The following NGLY1 variants were observed in gnomAD, a reference collection of about 807,000 sequenced individuals.
The protein encoded by NGLY1 is N-glycanase 1, also known as peptide-N(4)-(N-acetyl-beta-glucosaminyl)asparagine amidase.
NGLY1 carries 68 observed loss-of-function variants against 84.6 expected under a neutral mutation model. The observed-to-expected ratio is 0.80, with a 90% CI of 0.66 to 0.98. The LOEUF (loss-of-function observed/expected upper bound fraction) is 0.98. Ranked by LOEUF, NGLY1 falls within the 50% of genes least tolerant of loss-of-function variation. NGLY1 has a pLI of 0.00. For missense variants in NGLY1, 779 were observed against 770.2 expected, an observed-to-expected ratio of 1.01 and a Z score of -0.14; for synonymous variants, 280 against 275.2, an observed-to-expected ratio of 1.02 and a Z score of -0.17.
intron 4 of NGLY1, among the ~76,000 whole-genome samples, chr3:25,742,367 C>T (rs1706191615): frequency 2.6e-5 from 4 of 152,108 alleles, no homozygotes; most frequent in Admixed American, 2.6e-4. Context: ...CAATCAAACA[C>T]TATGGAGTTA....
chr3:25,746,093 A>G (rs1706410504), intron 4 of NGLY1, among the ~76,000 whole-genome samples: 1 of 152,160 alleles, frequency 6.6e-6, no homozygotes, highest in African/African-American at 2.4e-5. Context: ...TTCAATGTCA[A>G]CCAAAATATG....
chr3:25,734,439 A>G (rs1436811411), intron 7 of NGLY1: 2 of 151,214 alleles, frequency 1.3e-5, no homozygotes, highest in South Asian at 2.1e-4. Flanking sequence ...GCAGTGGCTC[A>G]TGCCTGTAAT....
chr3:25,759,092 C>T (rs1707180041), intron 3 of NGLY1, among the ~76,000 whole-genome samples: 1 of 152,112 alleles, frequency 6.6e-6, no homozygotes, highest in Non-Finnish European at 1.5e-5. Flanking sequence ...AAGAAAAGAA[C>T]AGGTCCAAGA....
chr3:25,746,490 C>T (rs1706439704), intron 4 of NGLY1, among the ~76,000 whole-genome samples: 1 of 152,168 alleles, frequency 6.6e-6, no homozygotes, highest in Non-Finnish European at 1.5e-5. Context: ...TCTACAACCC[C>T]TGTATTACCT....
chr3:25,769,858 T>G (rs2125303360), intron 2 of NGLY1, among the ~76,000 whole-genome samples: 1 of 152,276 alleles, frequency 6.6e-6, no homozygotes, highest in African/African-American at 2.4e-5. Context: ...CATGGATAAG[T>G]TCTTTAGTGG....
chr3:25,722,227 TA>T (rs1705032641), intron 10 of NGLY1, among the ~76,000 whole-genome samples: 1 of 143,366 alleles, frequency 7.0e-6, no homozygotes, highest in African/African-American at 2.8e-5. Flanking sequence ...AAAAAAAAAA[TA>T]AAAATAAAAA....
chr3:25,745,713 TTG>T (rs1373684848), intron 4 of NGLY1, among the ~76,000 whole-genome samples: 5 of 152,188 alleles, frequency 3.3e-5, no homozygotes, highest in South Asian at 2.1e-4. Context: ...TAGATTACTA[TTG>T]TGTTTTAATT....
rs1044936446 is a variant in NGLY1 at position 25,783,405 on chromosome 3, G to A, written c.-15C>T. 6 of 1,523,060 alleles carry A rather than the reference G, an allele frequency of 3.9e-6. No homozygotes were observed. The highest frequency in any genetic ancestry group is 2.9e-5 in the African/African-American group (2 of 69,406). The allele number at this position is 1,523,060 out of a possible 1,614,324, so 94.3% of individuals were successfully genotyped here. A position where few individuals can be genotyped will look rare whatever the true frequency, so the allele number is the denominator to read the frequency against. On this transcript the variant is annotated 5_prime_UTR_variant, in exon 1 of 12. Transcript: ENST00000280700. The surrounding 1 kb of genome is among the most constrained non-coding windows in gnomAD (Gnocchi z 4.5). ...GCCGCCGCCATGCTTGAGCGCCAGC[G>A]GGCGCCGCCGCCGCCCCTCGCTCTC... is the stretch of plus-strand genomic sequence containing the variant.
At chr3:25,730,288 G>T (rs1020168176) in intron 9 of NGLY1, 4 of 151,718 alleles carry the variant, frequency 2.6e-5, no homozygotes, top group Admixed American at 2.6e-4. Flanking sequence ...AAAGTATTTA[G>T]GATTAATGTT....
intron 9 of NGLY1, among the ~76,000 whole-genome samples, chr3:25,730,948 G>A (rs773030266): frequency 6.6e-6 from 1 of 151,812 alleles, no homozygotes; most frequent in Admixed American, 6.6e-5. Flanking sequence ...GCTCCCTAAG[G>A]GCAAAGGACA....
intron 6 of NGLY1, 172 bp downstream of exon 6, chr3:25,737,162 T>G (rs1334726223): frequency 1.9e-6 from 1 of 536,834 alleles, no homozygotes; most frequent in African/African-American, 1.9e-5. Context: ...AAAACTCTTG[T>G]GATCCCTTCA....
In NGLY1 at chr3:25,719,322, T is replaced by C. The variant is rs939411904; in HGVS notation, c.*138A>G. ...AGTCCACGTATAAAGATAATTTTCA[T>C]GAGGGTTACATGATGGATAGCTAGC... On this transcript the variant is annotated 3_prime_UTR_variant, in exon 12 of 12. Transcript: ENST00000280700. 3 of 561,972 alleles carry C rather than the reference T, an allele frequency of 5.3e-6. No individual in the cohort carries two copies. Among genetic ancestry groups the C allele is most frequent in the Non-Finnish European group, 3.1e-6 (1 of 321,176 alleles). 34.8% of individuals were successfully genotyped at this position (561,972 alleles called of 1,614,324 possible). A position where few individuals can be genotyped will look rare whatever the true frequency, so the allele number is the denominator to read the frequency against.
At chr3:25,767,438 A>C (rs987751535) in intron 2 of NGLY1, among the ~76,000 whole-genome samples, 11 of 152,200 alleles carry the variant, frequency 7.2e-5, no homozygotes, top group African/African-American at 9.7e-5. Flanking sequence ...CCAGTCAATA[A>C]AACAACCAAA....
upstream of NGLY1, among the ~76,000 whole-genome samples, chr3:25,785,157 A>G (rs1202825311): frequency 1.3e-5 from 2 of 148,796 alleles, no homozygotes; most frequent in African/African-American, 2.6e-5. Flanking sequence ...AAAAAAAAAA[A>G]AAGTCACACC....
Position 25,733,993 on chromosome 3 carries a change from T to A in NGLY1, c.1150-11A>T. The A allele has an allele frequency of 1.2e-6, 2 of 1,610,660 alleles. No individual in the cohort carries two copies. The highest frequency in any genetic ancestry group is 1.7e-6 in the Non-Finnish European group (2 of 1,177,300). ...AGTGACATCAACTACCTGAAACAAA[T>A]AACAGAATACAAATACTTAACAAGA... On this transcript the variant is annotated splice_polypyrimidine_tract_variant and intron_variant, in intron 7 of 11. Coordinates refer to ENST00000280700, the MANE Select transcript of NGLY1 (RefSeq NM_018297.4).
chr3:25,755,219 A>G, intron 3 of NGLY1: 1 of 1,374,364 alleles, frequency 7.3e-7, no homozygotes, highest in Non-Finnish European at 1.0e-6. Flanking sequence ...AAGGCAGAAA[A>G]ATCAAACCCC....
Position 25,764,226 on chromosome 3 carries a change from C to T in NGLY1, c.332G>A (p.Ser111Asn). ...IRDLIAIERS[S>N]RLDGSNKSHK... is the part of the protein sequence containing the mutation. ...GCTCTTATTTGAGCCATCCAGTCTG[C>T]TACTTCTCTCTATGGCAATCAGGTC... Residue 111 changes from serine to asparagine, a missense_variant, in exon 3 of 12, where the codon AGC becomes AAC. Physicochemically the swap from Ser to Asn is conservative, Grantham distance 46. Coordinates refer to ENST00000280700, the MANE Select transcript of NGLY1 (RefSeq NM_018297.4). 1 of 1,614,110 alleles carries T rather than the reference C, an allele frequency of 6.2e-7. No individual in the cohort carries two copies. Among genetic ancestry groups the T allele is most frequent in the Non-Finnish European group, 8.5e-7 (1 of 1,180,030 alleles).
chr3:25,777,263 C>T (rs183041377), intron 2 of NGLY1, among the ~76,000 whole-genome samples: 2 of 152,096 alleles, frequency 1.3e-5, no homozygotes, highest in East Asian at 1.9e-4. Context: ...GGCGTGCTGT[C>T]GTATGCCTTT....
At chr3:25,752,743 G>A (rs1049593005) in intron 3 of NGLY1, among the ~76,000 whole-genome samples, 6 of 151,894 alleles carry the variant, frequency 4.0e-5, no homozygotes, top group Non-Finnish European at 8.8e-5. Flanking sequence ...GAGCCCAGGA[G>A]GTCAAGGCTA....
Sources: gnomAD v4.1 joint callset for allele counts (sites outside exome capture counted in the v4.1 genomes callset) on GRCh38, gnomAD v4.1.1 for gene constraint, Gnocchi (gnomAD v3.1) non-coding constraint, MANE v1.5 for transcripts, NCBI Gene and HGNC (gene_info 2026-07-23, HGNC 2026-07-21) for gene names.